TNRC18: variants seen among roughly 807,000 people sequenced by gnomAD.
The protein encoded by TNRC18 is trinucleotide repeat-containing gene 18 protein.
TNRC18 carries 69 observed loss-of-function variants against 226.7 expected under a neutral mutation model. That is an observed-to-expected ratio of 0.30 (90% CI 0.25 to 0.37). The LOEUF (loss-of-function observed/expected upper bound fraction) is 0.37. Among genes scored for constraint, TNRC18 ranks in the 10% least tolerant of loss-of-function variants. TNRC18 has a pLI of 1.00. For missense variants in TNRC18, 4,754 were observed against 4,256.6 expected, an observed-to-expected ratio of 1.12 and a Z score of -3.25; for synonymous variants, 2,449 against 1,927.6, an observed-to-expected ratio of 1.27 and a Z score of -7.09.
Position 5,324,285 on chromosome 7 carries a change from T to C in TNRC18, c.6371A>G (p.Asn2124Ser), listed in dbSNP as rs768032774. ...SMAAEEDFEPNQDSSFSEDEH... is the reference protein window; with the variant it reads ...SMAAEEDFEPSQDSSFSEDEH... ...GTCCTCAGAGAAGCTCGAGTCTTGG[T>C]TGGGTTCAAAGTCCTCCTCGGCTGC... Residue 2124 changes from asparagine to serine, a missense_variant, in exon 21 of 30, where the codon AAC becomes AGC. Asn to Ser is a conservative substitution (Grantham distance 46). Transcript: ENST00000430969. The surrounding 1 kb of genome is among the most constrained non-coding windows in gnomAD (Gnocchi z 4.8). 1.9e-6 allele frequency: 3 copies of C among 1,613,354 alleles called. No individual in the cohort carries two copies. Among genetic ancestry groups the C allele is most frequent in the African/African-American group, 1.3e-5 (1 of 74,920 alleles).
chr7:5,316,193 G>C, intron 24 of TNRC18, 121 bp from the exon 25 acceptor site: 2 of 655,298 alleles, frequency 3.1e-6, no homozygotes, highest in Non-Finnish European at 5.1e-6. Flanking sequence ...TACAGCAGTG[G>C]GGACATGGGT....
At position 5,388,589 on chromosome 7, in the gene TNRC18, G is replaced by T; in HGVS notation, c.1235C>A (p.Ala412Glu). ...CAGAGGCCGCGGGGAGCCGGGGGGC[G>T]CCTGCAGGACCCCTGGCCTGCCAGC... ...REAGRPGVLQ[A>E]PPGSPRPLDR... The change falls in exon 5 of 30, where the codon GCG (alanine) becomes GAG (glutamate). Residue 412 changes from alanine (A) to glutamate (E), a missense_variant. By Grantham distance (107) the Ala-to-Glu change is moderately radical. Transcript: ENST00000430969. 1 of 1,299,118 alleles carries T rather than the reference G, an allele frequency of 7.7e-7. No homozygotes were observed. Among genetic ancestry groups the T allele is most frequent in the African/African-American group, 1.6e-5 (1 of 63,046 alleles). 80.5% of individuals were successfully genotyped at this position (1,299,118 alleles called of 1,614,324 possible). A position where few individuals can be genotyped will look rare whatever the true frequency, so the allele number is the denominator to read the frequency against.
intron 11 of TNRC18, among the ~76,000 whole-genome samples, chr7:5,363,472 C>G (rs551902195): frequency 1.3e-5 from 2 of 152,092 alleles, no homozygotes; most frequent in African/African-American, 4.8e-5. Context: ...GGTGTGGTGG[C>G]GGGCGCCTGT....
chr7:5,313,947 T>G, intron 26 of TNRC18, 84 bp from the exon 27 acceptor site: 1 of 1,340,580 alleles, frequency 7.5e-7, no homozygotes, highest in African/African-American at 1.5e-5. Context: ...GGCCTGCTTC[T>G]GTGAGTTTTG....
At position 5,389,254 on chromosome 7, in the gene TNRC18, G is replaced by C; in HGVS notation, c.570C>G (p.His190Gln). Residue 190 changes from histidine to glutamine, a missense_variant, in exon 5 of 30, where the codon CAC becomes CAG. Transcript: ENST00000430969. ...AGCCTTTGGCCGGGGCGCCCGAGGA[G>C]TGGCCGCCGCCAGGGGTCCGGGCCG... ...APSARTPGGGHSSGAPAKGSS... is the reference protein window; with the variant it reads ...APSARTPGGGQSSGAPAKGSS... 1 of 1,317,242 alleles carries C rather than the reference G, an allele frequency of 7.6e-7. No homozygotes were observed. 81.6% of individuals were successfully genotyped at this position (1,317,242 alleles called of 1,614,324 possible).
chr7:5,348,538 G>A (rs187407338), intron 17 of TNRC18, among the ~76,000 whole-genome samples: 23 of 152,240 alleles, frequency 1.5e-4, no homozygotes, highest in Non-Finnish European at 2.8e-4. Flanking sequence ...GTGCCAATGA[G>A]GGCAGAGGTT....
rs1779923639 is a variant in TNRC18 at position 5,387,911 on chromosome 7, G to A, written c.1913C>T (p.Pro638Leu). ...AGASRAQARL[P>L]HSGGPAAGGG... Reference sequence around the variant, plus strand: ...GCCCGCTGCAGGGCCTCCGGAGTGTGGGAGACGGGCCTGGGCTCGGGAGGC... The same window carrying A: ...GCCCGCTGCAGGGCCTCCGGAGTGTAGGAGACGGGCCTGGGCTCGGGAGGC... The change falls in exon 5 of 30, where the codon CCA becomes CTA. Residue 638 changes from proline to leucine, a missense_variant. By Grantham distance (98) the Pro-to-Leu change is moderately conservative (BLOSUM62 -3). Transcript: ENST00000430969. 2.5e-6 allele frequency: 4 copies of A among 1,593,164 alleles called. No homozygotes were observed. The highest frequency in any genetic ancestry group is 3.4e-6 in the Non-Finnish European group (4 of 1,171,262).
chr7:5,369,876 A>T (rs1246747436), intron 11 of TNRC18, among the ~76,000 whole-genome samples: 1 of 152,228 alleles, frequency 6.6e-6, no homozygotes, highest in East Asian at 1.9e-4. Flanking sequence ...AAACACACTT[A>T]ACATGCCACT....
chr7:5,397,471 C>T (rs1780775706), intron 2 of TNRC18, among the ~76,000 whole-genome samples: 1 of 152,228 alleles, frequency 6.6e-6, no homozygotes, highest in African/African-American at 2.4e-5. Flanking sequence ...TCCTCCCAGG[C>T]TGGGCGGGGC....
chr7:5,362,284 G>A (rs1793134031), intron 12 of TNRC18, among the ~76,000 whole-genome samples: 1 of 152,148 alleles, frequency 6.6e-6, no homozygotes, highest in Non-Finnish European at 1.5e-5. Context: ...TGTGACACCT[G>A]CTCCATCAGT....
chr7:5,327,834 A>G (rs1468669546), intron 19 of TNRC18, among the ~76,000 whole-genome samples: 1 of 152,198 alleles, frequency 6.6e-6, no homozygotes, highest in East Asian at 1.9e-4. Flanking sequence ...TTTGGTAACT[A>G]TGACAGCAAA....
chr7:5,404,763 A>AGT (rs57464872), intron 2 of TNRC18, among the ~76,000 whole-genome samples: 20,971 of 147,128 alleles, frequency 0.14, 2,344 homozygotes, highest in African/African-American at 0.32. Context: ...GCACACTTTC[A>AGT]GTGTGTGTGT....
Position 5,312,955 on chromosome 7 carries a change from A to G in TNRC18, c.7936T>C (p.Ser2646Pro). 1 of 1,312,840 alleles carries G rather than the reference A, an allele frequency of 7.6e-7. No homozygotes were observed. Among genetic ancestry groups the G allele is most frequent in the South Asian group, 1.4e-5 (1 of 70,946 alleles). 81.3% of individuals were successfully genotyped at this position (1,312,840 alleles called of 1,614,324 possible). The change falls in exon 27 of 30, where the codon TCT (serine) becomes CCT (proline). Residue 2646 changes from serine (S) to proline (P), a missense_variant. Ser to Pro is a moderately conservative substitution (Grantham distance 74, BLOSUM62 -1). Transcript: ENST00000430969. This position sits in a 1 kb window ranked among gnomAD's most constrained non-coding sequence, Gnocchi z 6.3. ...SSSSSSSSSS[S>P]SSSSSSSSSS... ...GAGGAGGAGGAGGAAGAGGAGGAAG[A>G]CGAAGAGGAAGAGGAGGAGGAGGAA...
intron 2 of TNRC18, among the ~76,000 whole-genome samples, chr7:5,411,186 C>T (rs1418326985): frequency 7.1e-6 from 1 of 141,556 alleles, no homozygotes; most frequent in African/African-American, 2.7e-5. Context: ...ACTGCACTCC[C>T]GCTTGGGCTA....
intron 25 of TNRC18, among the ~76,000 whole-genome samples, chr7:5,315,737 T>C (rs1442071052): frequency 6.6e-6 from 1 of 152,236 alleles, no homozygotes; most frequent in Non-Finnish European, 1.5e-5. Flanking sequence ...CAATTTTTGA[T>C]CAGCTTCCCA....
At position 5,313,548 on chromosome 7, in the gene TNRC18, G is replaced by A; in HGVS notation, c.7343C>T (p.Ala2448Val). ...KKARAAEESG[A>V]KGPRRPGEEA... ...CTCCCCCGGCCTCCGAGGGCCCTTG[G>A]CACCCGACTCCTCGGCTGCCCGCGC... The change falls in exon 27 of 30, where the codon GCC (alanine) becomes GTC (valine). Residue 2448 changes from alanine (A) to valine (V), a missense_variant. Ala to Val is a moderately conservative substitution (Grantham distance 64). Coordinates refer to ENST00000430969, the MANE Select transcript of TNRC18 (RefSeq NM_001080495.3). The A allele has an allele frequency of 6.2e-7, 1 of 1,609,904 alleles. No individual in the cohort carries two copies.
intron 2 of TNRC18, among the ~76,000 whole-genome samples, chr7:5,412,364 T>A (rs1333436977): frequency 6.6e-6 from 1 of 151,538 alleles, no homozygotes; most frequent in Non-Finnish European, 1.5e-5. Flanking sequence ...TCACCTGAAG[T>A]CATGAGTTTG....
Position 5,333,060 on chromosome 7 carries a change from G to T in TNRC18, c.5720-11C>A. 3.8e-6 allele frequency: 6 copies of T among 1,565,866 alleles called. No homozygotes were observed. Among genetic ancestry groups the T allele is most frequent in the Non-Finnish European group, 4.3e-6 (5 of 1,163,736 alleles). On this transcript the variant is annotated splice_polypyrimidine_tract_variant and intron_variant, in intron 18 of 29. Coordinates refer to ENST00000430969, the MANE Select transcript of TNRC18 (RefSeq NM_001080495.3). ...ACTCGAACTCTGTGCCTGAACGCGG[G>T]AGGAGGGCGTGCTGGTCACAGCCTC... is the stretch of plus-strand genomic sequence containing the variant.
At chr7:5,350,902 G>A (rs540452779) in intron 17 of TNRC18, among the ~76,000 whole-genome samples, 1 of 152,306 alleles carries the variant, frequency 6.6e-6, no homozygotes, top group African/African-American at 2.4e-5. Flanking sequence ...GAGACCAGGG[G>A]TGTCAAAGGC....
Sources: gnomAD v4.1 joint callset for allele counts (sites outside exome capture counted in the v4.1 genomes callset) on GRCh38, gnomAD v4.1.1 for gene constraint, Gnocchi (gnomAD v3.1) non-coding constraint, MANE v1.5 for transcripts, NCBI Gene and HGNC (gene_info 2026-07-23, HGNC 2026-07-21) for gene names.